The following ERICH1 variants were observed in gnomAD, a reference collection of about 807,000 sequenced individuals.
The protein encoded by ERICH1 is glutamate rich 1, also known as glutamate-rich protein 1.
A neutral mutation model predicts 39.6 loss-of-function variants in ERICH1; 56 were observed. The ratio of observed to expected loss-of-function variants is 1.41; its 90% CI spans 1.14 to 1.77. The LOEUF (loss-of-function observed/expected upper bound fraction) is 1.77, where lower values mean the gene tolerates loss of function less well. Among genes scored for constraint, ERICH1 ranks in the 40% most tolerant of loss-of-function variants. The probability of loss-of-function intolerance (pLI) is 0.00; values close to 1 mark genes in which losing one functional copy is unlikely to be tolerated. For missense variants in ERICH1, 826 were observed against 575.4 expected (o/e 1.44, Z -4.45); for synonymous variants, 313 against 223.6 (o/e 1.40, Z -3.57).
At chr8:717,270 C>T (rs1035058454) in intron 1 of ERICH1, among the ~76,000 whole-genome samples, 10 of 152,122 alleles carry the variant, frequency 6.6e-5, no homozygotes, top group African/African-American at 2.2e-4. Flanking sequence ...GGTCCCCATA[C>T]GCTATATTTT....
intron 3 of ERICH1, among the ~76,000 whole-genome samples, chr8:620,846 T>C (rs1258901013): frequency 6.6e-6 from 1 of 152,158 alleles, no homozygotes; most frequent in Non-Finnish European, 1.5e-5. Flanking sequence ...CAGACTTCAA[T>C]ACCCCACTTT....
intron 3 of ERICH1, among the ~76,000 whole-genome samples, chr8:684,466 T>G (rs1585279018): frequency 4.0e-5 from 1 of 25,078 alleles, no homozygotes; most frequent in Admixed American, 4.8e-4. Flanking sequence ...GTGAAGTGTT[T>G]TGTAAATATT....
chr8:715,636 A>AC (rs1815760821), intron 2 of ERICH1, among the ~76,000 whole-genome samples: 1 of 151,994 alleles, frequency 6.6e-6, no homozygotes, highest in Admixed American at 6.6e-5. Flanking sequence ...CAAGTAAATG[A>AC]CCCCAAAAAG....
exon 4 of ERICH1, chr8:615,099 T>C (rs1796845528): frequency 5.0e-6 from 3 of 600,758 alleles, no homozygotes; most frequent in African/African-American, 1.9e-5. Flanking sequence ...TCGTCAGCCT[T>C]GCAAAGCTTG....
chr8:696,452 C>T (rs370430906), intron 2 of ERICH1, among the ~76,000 whole-genome samples: 4 of 8,776 alleles, frequency 4.6e-4, no homozygotes, highest in African/African-American at 6.6e-4. Flanking sequence ...CTCTCACCCT[C>T]CACTCCTCTC....
At chr8:634,657 G>A (rs922485259) in intron 3 of ERICH1, among the ~76,000 whole-genome samples, 1 of 152,144 alleles carries the variant, frequency 6.6e-6, no homozygotes, top group African/African-American at 2.4e-5. Flanking sequence ...AGCCGGACCA[G>A]CCCCCACGAT....
At chr8:678,067 A>C (rs1337401594) in intron 3 of ERICH1, among the ~76,000 whole-genome samples, 4 of 152,192 alleles carry the variant, frequency 2.6e-5, no homozygotes, top group Non-Finnish European at 5.9e-5. Flanking sequence ...AGGAGGCAAA[A>C]AGGCCATAAA....
At chr8:642,644 T>G (rs183255102) in intron 3 of ERICH1, among the ~76,000 whole-genome samples, 1 of 152,176 alleles carries the variant, frequency 6.6e-6, no homozygotes, top group Admixed American at 6.5e-5. Flanking sequence ...AAACCACAGT[T>G]GAGAATTTCA....
chr8:656,073 C>A (rs1460733643), intron 3 of ERICH1, among the ~76,000 whole-genome samples: 1 of 152,152 alleles, frequency 6.6e-6, no homozygotes, highest in Non-Finnish European at 1.5e-5. Context: ...AGGCTGTAGA[C>A]CTGCCCGCCA....
At chr8:728,244 A>T (rs760728450) in intron 1 of ERICH1, among the ~76,000 whole-genome samples, 18 of 152,218 alleles carry the variant, frequency 1.2e-4, no homozygotes, top group Non-Finnish European at 2.4e-4. Context: ...CCGCCCAGGC[A>T]GCAGGGACAC....
At chr8:665,085 G>T (rs564206274) in intron 5 of ERICH1, among the ~76,000 whole-genome samples, 82 of 152,346 alleles carry the variant, frequency 5.4e-4, no homozygotes, top group South Asian at 2.9e-3. Flanking sequence ...AAGTGGAGCC[G>T]TAAGTGAGAC....
rs866803067 is a variant in ERICH1 at position 676,439 on chromosome 8, G to C, written c.305-2392C>G. 3.8e-3 allele frequency among the ~76,000 whole-genome samples: 45 copies of C among 11,834 alleles called. 2 individuals are homozygous for C. The highest frequency in any genetic ancestry group is 0.018 in the East Asian group (3 of 166). 7.8% of individuals were successfully genotyped at this position (11,834 alleles called of 152,430 possible). On this transcript the variant is annotated intron_variant, in intron 3 of 5. Coordinates refer to ENST00000262109, the MANE Select transcript of ERICH1 (RefSeq NM_207332.3). ...CCTCGGCGAGGACAGAGACGCGGCGGCCCCTCGGCGAGGACAGAGACGCGG... is the reference window on the plus strand; with the variant it reads ...CCTCGGCGAGGACAGAGACGCGGCGCCCCCTCGGCGAGGACAGAGACGCGG...
chr8:618,138 G>C (rs1026878188), intron 3 of ERICH1, among the ~76,000 whole-genome samples: 1 of 146,492 alleles, frequency 6.8e-6, no homozygotes, highest in Non-Finnish European at 1.5e-5. Context: ...TGTTCCATCT[G>C]TCCTCACTGC....
intron 1 of ERICH1, among the ~76,000 whole-genome samples, chr8:729,286 T>C (rs1819485282): frequency 6.6e-6 from 1 of 152,094 alleles, no homozygotes; most frequent in Non-Finnish European, 1.5e-5. Context: ...TCTCCCACCA[T>C]CAACAACAGC....
intron 3 of ERICH1, among the ~76,000 whole-genome samples, chr8:678,954 T>A (rs1259470531): frequency 6.6e-6 from 1 of 152,080 alleles, no homozygotes; most frequent in Non-Finnish European, 1.5e-5. Flanking sequence ...CTTATGATTC[T>A]GGCCCCTCAA....
At chr8:662,854 T>C (rs1022495537), downstream of ERICH1, among the ~76,000 whole-genome samples, 2 of 151,780 alleles carry the variant, frequency 1.3e-5, no homozygotes, top group African/African-American at 2.4e-5. Flanking sequence ...ACTTCGGAGT[T>C]AGGGGAAGAG....
At chr8:682,705 C>G (rs1313837166) in intron 3 of ERICH1, among the ~76,000 whole-genome samples, 2 of 152,242 alleles carry the variant, frequency 1.3e-5, no homozygotes, top group Non-Finnish European at 2.9e-5. Context: ...ACTCTCTCTG[C>G]TACTATTTGA....
intron 3 of ERICH1, among the ~76,000 whole-genome samples, chr8:628,834 G>A (rs926948476): frequency 6.6e-6 from 1 of 152,158 alleles, no homozygotes; most frequent in South Asian, 2.1e-4. Flanking sequence ...CCCCAATGCT[G>A]AGGCAAACAA....
At chr8:622,292 G>C (rs13255189) in intron 3 of ERICH1, among the ~76,000 whole-genome samples, 1 of 151,952 alleles carries the variant, frequency 6.6e-6, no homozygotes, top group Non-Finnish European at 1.5e-5. Flanking sequence ...CCATTTATAT[G>C]TTGAAACTCA....
Sources: gnomAD v4.1 joint callset for allele counts (sites outside exome capture counted in the v4.1 genomes callset) on GRCh38, gnomAD v4.1.1 for gene constraint, MANE v1.5 for transcripts, NCBI Gene and HGNC (gene_info 2026-07-23, HGNC 2026-07-21) for gene names.